Variants in DPY19L4 observed in about 807,000 individuals in gnomAD.
DPY19L4 encodes probable C-mannosyltransferase DPY19L4.
A neutral mutation model predicts 102.8 loss-of-function variants in DPY19L4; 97 were observed. The ratio of observed to expected loss-of-function variants is 0.94; its 90% CI spans 0.80 to 1.12. The LOEUF is 1.12. DPY19L4 is among the 50% of genes most tolerant of loss of function. The pLI is 0.00. For missense variants in DPY19L4, 815 were observed against 850.4 expected (o/e 0.96, Z 0.52); for synonymous variants, 252 against 283.1 (o/e 0.89, Z 1.10).
chr8:94,751,126 T>TTTC (rs1811904773), intron 6 of DPY19L4, among the ~76,000 whole-genome samples: 1 of 148,064 alleles, frequency 6.8e-6, no homozygotes, highest in African/African-American at 2.5e-5. Context: ...TTCTTTTCTT[T>TTTC]TTTTTTTTTT....
chr8:94,761,896 T>G, intron 8 of DPY19L4, 62 bp downstream of exon 8: 2 of 1,496,964 alleles, frequency 1.3e-6, no homozygotes, highest in Non-Finnish European at 1.8e-6. Context: ...GCATTGTATC[T>G]TAAAACCTCT....
At chr8:94,784,256 G>A (rs1239435233) in intron 17 of DPY19L4, among the ~76,000 whole-genome samples, 1 of 151,282 alleles carries the variant, frequency 6.6e-6, no homozygotes, top group Admixed American at 6.6e-5. Context: ...ATTCACCCAG[G>A]CTGGAGTACA....
intron 2 of DPY19L4, among the ~76,000 whole-genome samples, chr8:94,729,408 A>G (rs568173944): frequency 6.7e-6 from 1 of 150,350 alleles, no homozygotes; most frequent in African/African-American, 2.4e-5. Flanking sequence ...CTTAGGCAAT[A>G]TAGTGAGACC....
chr8:94,738,533 G>A lies in DPY19L4; in HGVS notation c.343+74G>A, dbSNP rs533840152. ...TTTCTTTTCTTTTTTTTTTTTTTCC[G>A]AGACGGAGTCTTGCTCTGTCACCCA... is the stretch of plus-strand genomic sequence containing the variant. On this transcript the variant is annotated intron_variant, in intron 4 of 18. Coordinates refer to ENST00000414645, the MANE Select transcript of DPY19L4 (RefSeq NM_181787.3). 40 of 724,692 alleles carry A rather than the reference G, an allele frequency of 5.5e-5. No individual in the cohort carries two copies. In the African/African-American group the frequency reaches 6.4e-4, roughly 12 times the overall value. The allele number at this position is 724,692 out of a possible 1,614,324, so 44.9% of individuals were successfully genotyped here.
chr8:94,751,625 G>T (rs1013146000), intron 6 of DPY19L4, among the ~76,000 whole-genome samples: 7 of 152,012 alleles, frequency 4.6e-5, no homozygotes, highest in Non-Finnish European at 1.0e-4. Context: ...AAGTAGCTGC[G>T]ATTACAGGTG....
intron 3 of DPY19L4, among the ~76,000 whole-genome samples, chr8:94,735,867 A>G (rs1008361269): frequency 6.6e-6 from 1 of 152,214 alleles, no homozygotes; most frequent in Non-Finnish European, 1.5e-5. Context: ...GAGAGTTTAC[A>G]TCTTTGAAAT....
At chr8:94,767,066 TA>T (rs772468464) in intron 11 of DPY19L4, among the ~76,000 whole-genome samples, 2,496 of 116,684 alleles carry the variant, frequency 0.021, 46 homozygotes, top group African/African-American at 0.056. Flanking sequence ...AGACCCTGTC[TA>T]AAAAAAAAAA....
intron 16 of DPY19L4, 23 bp downstream of exon 16, chr8:94,781,189 C>A: frequency 6.6e-7 from 1 of 1,525,820 alleles, no homozygotes; most frequent in Non-Finnish European, 8.8e-7. Flanking sequence ...GTGCCCAAGA[C>A]TATTATTAAG....
intron 3 of DPY19L4, among the ~76,000 whole-genome samples, chr8:94,736,076 G>A (rs1811176718): frequency 6.6e-6 from 1 of 152,180 alleles, no homozygotes; most frequent in African/African-American, 2.4e-5. Context: ...CAGATTTGGT[G>A]TCTGGTGAGG....
chr8:94,731,078 A>T (rs567499635), intron 2 of DPY19L4, among the ~76,000 whole-genome samples: 24 of 149,760 alleles, frequency 1.6e-4, no homozygotes, highest in African/African-American at 5.9e-4. Flanking sequence ...AAAAAAAATT[A>T]GTATTAAGGT....
chr8:94,790,326 C>G lies in DPY19L4; in HGVS notation c.*416C>G, dbSNP rs1231651592. 6.6e-6 allele frequency: 1 copy of G among 152,618 alleles called. No individual in the cohort carries two copies. The highest frequency in any genetic ancestry group is 2.4e-5 in the African/African-American group (1 of 41,380). 9.5% of individuals were successfully genotyped at this position (152,618 alleles called of 1,614,324 possible). ...AGAAAGAATAATTCCGACCTTCAAG[C>G]AAGTTTCTGAAGGTATTTTATGATG... On this transcript the variant is annotated 3_prime_UTR_variant, in exon 19 of 19. Transcript: ENST00000414645.
intron 6 of DPY19L4, among the ~76,000 whole-genome samples, chr8:94,754,878 T>G (rs1218305058): frequency 6.6e-6 from 1 of 152,208 alleles, no homozygotes; most frequent in Non-Finnish European, 1.5e-5. Context: ...AACCTCCGCC[T>G]CCCAGGTTCA....
At chr8:94,747,397 CTA>C (rs1811723138) in intron 6 of DPY19L4, among the ~76,000 whole-genome samples, 2 of 118,600 alleles carry the variant, frequency 1.7e-5, no homozygotes, top group Admixed American at 1.6e-4. Flanking sequence ...ATTATTAAGA[CTA>C]TGTCATTTTT....
intron 2 of DPY19L4, among the ~76,000 whole-genome samples, chr8:94,733,204 C>T (rs77041159): frequency 0.026 from 3,715 of 142,038 alleles, 157 homozygotes; most frequent in African/African-American, 0.093. Flanking sequence ...CTGCTCACTG[C>T]AAGCTCTGCC....
chr8:94,788,052 CG>C lies in DPY19L4; in HGVS notation c.2007+1del. The stretch of plus-strand genomic sequence containing the variant: ...ATTTATTAGACATTGCAAATGGCCA[CG>C]TAAGTAACCATTTGGAAAGTTATAT... On this transcript the variant is annotated splice_donor_variant, in intron 18 of 18. Transcript: ENST00000414645. LOFTEE classifies it high-confidence loss of function. The C allele has an allele frequency of 2.1e-5, 30 of 1,423,516 alleles. No individual in the cohort carries two copies. Among genetic ancestry groups the C allele is most frequent in the Non-Finnish European group, 2.8e-5 (30 of 1,086,940 alleles). The allele number at this position is 1,423,516 out of a possible 1,614,324, so 88.2% of individuals were successfully genotyped here.
At chr8:94,751,274 G>A (rs1222660924) in intron 6 of DPY19L4, among the ~76,000 whole-genome samples, 7 of 150,418 alleles carry the variant, frequency 4.7e-5, no homozygotes, top group Admixed American at 2.7e-4. Context: ...GCCCGCCACC[G>A]CGCCTGGCTA....
chr8:94,781,522 G>A (rs1319703635), intron 16 of DPY19L4, among the ~76,000 whole-genome samples: 1 of 152,138 alleles, frequency 6.6e-6, no homozygotes, highest in East Asian at 1.9e-4. Flanking sequence ...GATAACCAGG[G>A]GTTTTAGATT....
intron 1 of DPY19L4, among the ~76,000 whole-genome samples, chr8:94,721,177 C>A (rs183273730): frequency 1.6e-4 from 25 of 152,120 alleles, no homozygotes; most frequent in Admixed American, 2.6e-4. Context: ...AACTTCTGAC[C>A]TCAGGTGATC....
intron 6 of DPY19L4, among the ~76,000 whole-genome samples, chr8:94,748,638 C>CGAT (rs943932900): frequency 1.4e-5 from 2 of 144,156 alleles, no homozygotes; most frequent in African/African-American, 5.0e-5. Flanking sequence ...ATGATGATGA[C>CGAT]GATGATGATG....
Sources: gnomAD v4.1 joint callset for allele counts (sites outside exome capture counted in the v4.1 genomes callset) on GRCh38, gnomAD v4.1.1 for gene constraint, MANE v1.5 for transcripts, NCBI Gene and HGNC (gene_info 2026-07-23, HGNC 2026-07-21) for gene names.